Variants in CRB1 observed in about 807,000 individuals in gnomAD.
CRB1 encodes protein crumbs homolog 1.
A neutral mutation model predicts 120.0 loss-of-function variants in CRB1; 83 were observed. That is an observed-to-expected ratio of 0.69 (90% CI 0.58 to 0.83). The LOEUF (loss-of-function observed/expected upper bound fraction) is 0.83. Among genes scored for constraint, CRB1 ranks in the 40% least tolerant of loss-of-function variants. The probability of loss-of-function intolerance (pLI) is 0.00; values close to 1 mark genes in which losing one functional copy is unlikely to be tolerated. For missense variants in CRB1, 1,699 were observed against 1,687.6 expected, an observed-to-expected ratio of 1.01 and a Z score of -0.12; for synonymous variants, 625 against 612.5, an observed-to-expected ratio of 1.02 and a Z score of -0.30.
intron 1 of CRB1, among the ~76,000 whole-genome samples, chr1:197,306,828 C>A (rs1657201855): frequency 6.6e-6 from 1 of 152,164 alleles, no homozygotes; most frequent in South Asian, 2.1e-4. Flanking sequence ...CAAAAGCCCA[C>A]AGGTGCTCAT....
intron 1 of CRB1, among the ~76,000 whole-genome samples, chr1:197,309,221 G>GTATTATTCACA (rs1477485739): frequency 1.3e-5 from 2 of 151,838 alleles, no homozygotes; most frequent in Non-Finnish European, 2.9e-5. Context: ...CTATTCCTAT[G>GTATTATTCACA]TATTATTCAC....
intron 5 of CRB1, among the ~76,000 whole-genome samples, chr1:197,414,854 AC>A (rs1362625251): frequency 6.6e-6 from 1 of 152,122 alleles, no homozygotes; most frequent in Non-Finnish European, 1.5e-5. Flanking sequence ...AATATGTTGG[AC>A]TTTATTTTAC....
chr1:197,215,341 G>A, the CRB1 span, among the ~76,000 whole-genome samples: 1,031 of 148,266 alleles, frequency 7.0e-3, 11 homozygotes, highest in African/African-American at 0.023. Context: ...CCAATGGCAC[G>A]ATCTCGGCTC....
the CRB1 span, among the ~76,000 whole-genome samples, chr1:197,261,232 T>C: frequency 1.3e-5 from 2 of 152,210 alleles, no homozygotes; most frequent in Non-Finnish European, 2.9e-5. Flanking sequence ...ATCCTCAAAA[T>C]TTCTGTATTT....
At chr1:197,468,376 G>A (rs1666838671) in intron 11 of CRB1, among the ~76,000 whole-genome samples, 1 of 151,254 alleles carries the variant, frequency 6.6e-6, no homozygotes, top group Non-Finnish European at 1.5e-5. Flanking sequence ...CATATCTCCA[G>A]GATCTAATAT....
chr1:197,344,213 C>G, intron 2 of CRB1, 68 bp from the exon 3 acceptor site: 2 of 1,470,862 alleles, frequency 1.4e-6, no homozygotes, highest in Non-Finnish European at 1.9e-6. Flanking sequence ...AAAGCATTGT[C>G]AAATTGCTAA....
At chr1:197,224,593 A>G in the CRB1 span, among the ~76,000 whole-genome samples, 2 of 152,180 alleles carry the variant, frequency 1.3e-5, no homozygotes, top group Non-Finnish European at 2.9e-5. Flanking sequence ...TGTGGAATAT[A>G]CTTACAATTA....
At chr1:197,465,907 G>T (rs1571621469) in intron 11 of CRB1, among the ~76,000 whole-genome samples, 1 of 152,306 alleles carries the variant, frequency 6.6e-6, no homozygotes, top group East Asian at 1.9e-4. Flanking sequence ...TAAGAATAGA[G>T]TAAATGGCAC....
chr1:197,432,344 C>T (rs1303349677), intron 8 of CRB1, among the ~76,000 whole-genome samples: 2 of 146,324 alleles, frequency 1.4e-5, no homozygotes, highest in Non-Finnish European at 3.0e-5. Flanking sequence ...TTCCCAACTC[C>T]AAACCTGGTT....
At chr1:197,407,537 T>C (rs1663479218) in intron 5 of CRB1, among the ~76,000 whole-genome samples, 1 of 152,178 alleles carries the variant, frequency 6.6e-6, no homozygotes, top group Non-Finnish European at 1.5e-5. Flanking sequence ...CTTCTTAGCT[T>C]TTCCAGATCA....
chr1:197,289,681 TCTTA>T (rs1361588274), intron 1 of CRB1, among the ~76,000 whole-genome samples: 1 of 151,794 alleles, frequency 6.6e-6, no homozygotes, highest in East Asian at 1.9e-4. Flanking sequence ...TGTCTATTAA[TCTTA>T]CTAACATATT....
the CRB1 span, among the ~76,000 whole-genome samples, chr1:197,236,409 C>T: frequency 8.5e-5 from 13 of 152,064 alleles, no homozygotes; most frequent in Admixed American, 2.0e-4. Context: ...CCATGTTGGC[C>T]GGGCTGGTCT....
chr1:197,347,105 T>C (rs1659819323), intron 3 of CRB1, among the ~76,000 whole-genome samples: 1 of 152,206 alleles, frequency 6.6e-6, no homozygotes. Flanking sequence ...ATGAAGAAAC[T>C]GAACTAAATA....
chr1:197,286,439 T>C (rs1011107164), intron 1 of CRB1, among the ~76,000 whole-genome samples: 9 of 151,956 alleles, frequency 5.9e-5, no homozygotes, highest in African/African-American at 2.2e-4. Flanking sequence ...TTAAAACTTC[T>C]TGTTATTCCC....
intron 2 of CRB1, among the ~76,000 whole-genome samples, chr1:197,341,709 AT>A (rs138678158): frequency 1.3e-5 from 2 of 152,030 alleles, no homozygotes; most frequent in African/African-American, 2.4e-5. Context: ...TAAACCAAAC[AT>A]TTTTTTTCCC....
intron 1 of CRB1, among the ~76,000 whole-genome samples, chr1:197,317,913 G>C (rs1387164323): frequency 6.6e-6 from 1 of 150,856 alleles, no homozygotes; most frequent in African/African-American, 2.4e-5. Context: ...TAGGGGAAAA[G>C]CTCTGTGACA....
the CRB1 span, among the ~76,000 whole-genome samples, chr1:197,218,241 C>G: frequency 6.6e-6 from 1 of 152,144 alleles, no homozygotes; most frequent in Non-Finnish European, 1.5e-5. Flanking sequence ...GAATGACTCT[C>G]AAAATTGATG....
intron 2 of CRB1, among the ~76,000 whole-genome samples, chr1:197,332,678 A>G (rs529519738): frequency 1.6e-4 from 25 of 152,290 alleles, no homozygotes; most frequent in Admixed American, 6.5e-4. Context: ...GGAGCTCTGA[A>G]ACAGAGGTGC....
chr1:197,398,640 TG>T (rs1227720443), intron 5 of CRB1, among the ~76,000 whole-genome samples: 9 of 152,140 alleles, frequency 5.9e-5, no homozygotes, highest in Non-Finnish European at 1.0e-4. Flanking sequence ...ATCTGAATAA[TG>T]GTGGAGTCAT....
Sources: gnomAD v4.1 joint callset for allele counts (sites outside exome capture counted in the v4.1 genomes callset) on GRCh38, gnomAD v4.1.1 for gene constraint, MANE v1.5 for transcripts, NCBI Gene and HGNC (gene_info 2026-07-23, HGNC 2026-07-21) for gene names.